Variants in ACAD11 observed in about 807,000 individuals in gnomAD.
The protein encoded by ACAD11 is acyl-Coenzyme A dehydrogenase family, member 11.
A neutral mutation model predicts 102.2 loss-of-function variants in ACAD11; 83 were observed. The observed-to-expected ratio is 0.81, with a 90% CI of 0.68 to 0.97. The LOEUF is 0.97. ACAD11 is among the 50% of genes least tolerant of loss of function. The pLI, the probability that ACAD11 is intolerant of heterozygous loss-of-function variation, is 0.00. For missense variants in ACAD11, 901 were observed against 951.7 expected (o/e 0.95, Z 0.70); for synonymous variants, 324 against 319.8 (o/e 1.01, Z -0.14).
chr3:132,578,749 T>C, intron 15 of ACAD11, 47 bp downstream of exon 15: 1 of 1,600,354 alleles, frequency 6.2e-7, no homozygotes, highest in Middle Eastern at 1.7e-4. Flanking sequence ...CTGCATATTC[T>C]AGCCTTCCTG....
intron 11 of ACAD11, 73 bp from the exon 12 acceptor site, chr3:132,605,278 G>C: frequency 9.4e-7 from 1 of 1,069,362 alleles, no homozygotes; most frequent in Non-Finnish European, 1.4e-6. Context: ...TTTATGTAGA[G>C]AGTATAGAAA....
At chr3:132,596,231 G>A (rs1264121864) in intron 13 of ACAD11, among the ~76,000 whole-genome samples, 1 of 152,114 alleles carries the variant, frequency 6.6e-6, no homozygotes, top group African/African-American at 2.4e-5. Context: ...GCTAAGATGA[G>A]AACACATGGA....
intron 1 of ACAD11, among the ~76,000 whole-genome samples, chr3:132,656,713 C>T (rs1487082147): frequency 2.6e-5 from 4 of 152,008 alleles, no homozygotes; most frequent in Non-Finnish European, 2.9e-5. Flanking sequence ...AGGCTGGTCT[C>T]GAACTCGACC....
intron 13 of ACAD11, among the ~76,000 whole-genome samples, chr3:132,592,817 C>T (rs1938137284): frequency 6.6e-6 from 1 of 151,996 alleles, no homozygotes; most frequent in South Asian, 2.1e-4. Context: ...AAAAGATGTT[C>T]ATTGTACAAT....
intron 1 of ACAD11, among the ~76,000 whole-genome samples, chr3:132,645,450 C>G (rs1329507119): frequency 6.6e-6 from 1 of 152,190 alleles, no homozygotes; most frequent in African/African-American, 2.4e-5. Flanking sequence ...AACTAACTCA[C>G]AGACACCAGG....
At chr3:132,616,344 G>A (rs1939409154) in intron 11 of ACAD11, among the ~76,000 whole-genome samples, 1 of 152,192 alleles carries the variant, frequency 6.6e-6, no homozygotes, top group Non-Finnish European at 1.5e-5. Context: ...CAGGTCAAAT[G>A]ATAAAATAGT....
intron 13 of ACAD11, among the ~76,000 whole-genome samples, chr3:132,585,590 A>G (rs1937778630): frequency 6.6e-6 from 1 of 152,236 alleles, no homozygotes; most frequent in Admixed American, 6.5e-5. Flanking sequence ...CCATCTACTC[A>G]TCTGACAAAG....
intron 11 of ACAD11, among the ~76,000 whole-genome samples, chr3:132,616,620 A>G (rs1016798961): frequency 2.0e-5 from 3 of 152,144 alleles, no homozygotes; most frequent in Admixed American, 6.5e-5. Context: ...ATATACATAC[A>G]CCTATATATT....
chr3:132,608,014 G>A (rs921089177), intron 11 of ACAD11, among the ~76,000 whole-genome samples: 10 of 152,104 alleles, frequency 6.6e-5, no homozygotes, highest in Non-Finnish European at 1.5e-4. Context: ...TTCATATCCA[G>A]CCAAACTAAG....
intron 17 of ACAD11, among the ~76,000 whole-genome samples, chr3:132,569,082 A>G (rs909557094): frequency 1.3e-5 from 2 of 152,162 alleles, no homozygotes; most frequent in African/African-American, 4.8e-5. Context: ...AGAGTAGGAG[A>G]AAATATTTAC....
At chr3:132,576,068 G>T in intron 16 of ACAD11, 142 bp from the exon 17 acceptor site, 1 of 833,706 alleles carries the variant, frequency 1.2e-6, no homozygotes, top group Non-Finnish European at 1.8e-6. Flanking sequence ...TCTATAATAA[G>T]GTTCACTATG....
intron 1 of ACAD11, among the ~76,000 whole-genome samples, chr3:132,650,706 T>A (rs1257083644): frequency 6.6e-6 from 1 of 152,138 alleles, no homozygotes; most frequent in East Asian, 1.9e-4. Flanking sequence ...CTTAACTTAG[T>A]GTAAGACTGT....
At chr3:132,617,214 T>TG (rs977620350) in intron 11 of ACAD11, among the ~76,000 whole-genome samples, 1 of 152,038 alleles carries the variant, frequency 6.6e-6, no homozygotes, top group Admixed American at 6.6e-5. Context: ...CAGAGTAATT[T>TG]GAAAAAAAAT....
At chr3:132,632,091 T>G (rs955950546) in intron 5 of ACAD11, among the ~76,000 whole-genome samples, 1 of 151,636 alleles carries the variant, frequency 6.6e-6, no homozygotes, top group Non-Finnish European at 1.5e-5. Flanking sequence ...TATGTATTTT[T>G]TTTTTTTTTT....
chr3:132,582,621 T>TGAA (rs2107798001), intron 13 of ACAD11, among the ~76,000 whole-genome samples: 1 of 151,530 alleles, frequency 6.6e-6, no homozygotes, highest in East Asian at 2.0e-4. Flanking sequence ...TCCCCACTTC[T>TGAA]ATGTAATACA....
At chr3:132,574,660 G>A (rs1377775057) in intron 17 of ACAD11, among the ~76,000 whole-genome samples, 1 of 152,112 alleles carries the variant, frequency 6.6e-6, no homozygotes, top group African/African-American at 2.4e-5. Flanking sequence ...CATCACCACA[G>A]ATTTGACCTA....
chr3:132,580,481 CAA>C (rs1307467273), intron 13 of ACAD11, among the ~76,000 whole-genome samples: 3 of 151,850 alleles, frequency 2.0e-5, no homozygotes, highest in Non-Finnish European at 4.4e-5. Flanking sequence ...CTTGTAAGAT[CAA>C]AAGAGAGAGA....
chr3:132,633,560 CTTTGGTATCAGGA>C (rs1940140668), intron 5 of ACAD11, among the ~76,000 whole-genome samples: 2 of 152,210 alleles, frequency 1.3e-5, no homozygotes, highest in South Asian at 4.1e-4. Context: ...CTCTGCCAGG[CTTTGGTATCAGGA>C]TGATGCTGGC....
intron 17 of ACAD11, among the ~76,000 whole-genome samples, chr3:132,570,339 T>C (rs558826208): frequency 1.3e-5 from 2 of 152,302 alleles, no homozygotes; most frequent in East Asian, 3.9e-4. Flanking sequence ...TTTCCAATTC[T>C]AAACACAGAA....
Sources: gnomAD v4.1 joint callset for allele counts (sites outside exome capture counted in the v4.1 genomes callset) on GRCh38, gnomAD v4.1.1 for gene constraint, MANE v1.5 for transcripts, NCBI Gene and HGNC (gene_info 2026-07-23, HGNC 2026-07-21) for gene names.